Variants in CCDC7 observed in about 807,000 individuals in gnomAD.
The protein encoded by CCDC7 is coiled-coil domain containing 7.
In CCDC7, 183 loss-of-function variants were observed where a neutral mutation model predicts 196.9. The observed-to-expected ratio is 0.93, with a 90% confidence interval of 0.82 to 1.05. The LOEUF (loss-of-function observed/expected upper bound fraction) is 1.05. Ranked by LOEUF, CCDC7 falls within the 50% of genes least tolerant of loss-of-function variation. The pLI, the probability that CCDC7 is intolerant of heterozygous loss-of-function variation, is 0.00. For missense variants in CCDC7, 1,540 were observed against 1,482.2 expected (o/e 1.04, Z -0.64); for synonymous variants, 525 against 484.6 (o/e 1.08, Z -1.10).
chr10:32,729,225 T>A, intron 27 of CCDC7, 107 bp from the exon 29 acceptor site: 2 of 1,174,428 alleles, frequency 1.7e-6, no homozygotes, highest in Non-Finnish European at 2.4e-6. Flanking sequence ...CACATGCTCA[T>A]GAAAACTATT....
At chr10:32,623,853 C>T (rs1025881679) in intron 18 of CCDC7, 1 of 458,566 alleles carries the variant, frequency 2.2e-6, no homozygotes, top group African/African-American at 2.0e-5. Flanking sequence ...GGGAGAGGTG[C>T]TACACACGTG....
At chr10:32,482,647 C>T (rs184222387) in intron 8 of CCDC7, among the ~76,000 whole-genome samples, 1 of 151,750 alleles carries the variant, frequency 6.6e-6, no homozygotes, top group East Asian at 1.9e-4. Flanking sequence ...ATCCCTCCCA[C>T]CTCCCCCAAC....
At chr10:32,549,129 A>G (rs1031767594) in intron 13 of CCDC7, among the ~76,000 whole-genome samples, 1 of 152,126 alleles carries the variant, frequency 6.6e-6, no homozygotes, top group African/African-American at 2.4e-5. Flanking sequence ...GTGGTATGGC[A>G]TTGTGGTTTT....
chr10:32,581,424 A>G (rs2058720051), intron 16 of CCDC7, among the ~76,000 whole-genome samples: 1 of 151,416 alleles, frequency 6.6e-6, no homozygotes, highest in Non-Finnish European at 1.5e-5. Flanking sequence ...CTCCTCCTTC[A>G]ACTCCTCCTC....
intron 3 of CCDC7, among the ~76,000 whole-genome samples, chr10:32,458,998 C>T (rs1453241945): frequency 1.3e-5 from 2 of 151,990 alleles, no homozygotes; most frequent in Non-Finnish European, 2.9e-5. Flanking sequence ...ATTGTAGAGA[C>T]CTTTCACCTC....
chr10:32,555,164 C>T (rs1365507383), intron 13 of CCDC7, among the ~76,000 whole-genome samples: 1 of 152,056 alleles, frequency 6.6e-6, no homozygotes, highest in East Asian at 1.9e-4. Context: ...CATGGGAGTG[C>T]AGATATCTTT....
At chr10:32,828,479 G>GAAGAAGAAGAAGAAGAAGAAGAA (rs1565633928) in intron 32 of CCDC7, among the ~76,000 whole-genome samples, 2 of 61,572 alleles carry the variant, frequency 3.2e-5, no homozygotes. Flanking sequence ...AAGAGGAAGA[G>GAAGAAGAAGAAGAAGAAGAAGAA]GAAGAGGAAG....
chr10:32,721,547 T>G (rs184672135), intron 25 of CCDC7, among the ~76,000 whole-genome samples: 1 of 152,222 alleles, frequency 6.6e-6, no homozygotes, highest in East Asian at 1.9e-4. Flanking sequence ...TCATCTAGAT[T>G]TCTGCTTGTG....
At chr10:32,585,062 T>C (rs2059121521) in intron 18 of CCDC7, among the ~76,000 whole-genome samples, 1 of 151,762 alleles carries the variant, frequency 6.6e-6, no homozygotes, top group Admixed American at 6.6e-5. Flanking sequence ...TTTTATTGCA[T>C]TGACCTAAAC....
chr10:32,615,075 C>A (rs1031849211), intron 18 of CCDC7, among the ~76,000 whole-genome samples: 7 of 152,182 alleles, frequency 4.6e-5, no homozygotes, highest in African/African-American at 1.7e-4. Context: ...TTATCCATTC[C>A]TCTGTTGATG....
intron 31 of CCDC7, among the ~76,000 whole-genome samples, chr10:32,823,339 A>G (rs968130711): frequency 2.0e-5 from 3 of 149,632 alleles, no homozygotes; most frequent in Admixed American, 6.6e-5. Flanking sequence ...ACAAGGTTTC[A>G]CTATGTTGGC....
chr10:32,846,073 CAAAAG>C, intron 36 of CCDC7, 114 bp downstream of exon 37: 2 of 805,264 alleles, frequency 2.5e-6, no homozygotes, highest in Non-Finnish European at 4.1e-6. Context: ...CTTTCCATAG[CAAAAG>C]ATGCTATTGG....
chr10:32,547,007 TTCC>T (rs1180741252), intron 13 of CCDC7, among the ~76,000 whole-genome samples: 2 of 151,978 alleles, frequency 1.3e-5, no homozygotes, highest in South Asian at 2.1e-4. Context: ...CTTCTTCCTC[TTCC>T]TCCTCCTCCT....
chr10:32,805,091 T>A, exon 30 of CCDC7: 1 of 1,606,092 alleles, frequency 6.2e-7, no homozygotes, highest in Non-Finnish European at 8.5e-7. Flanking sequence ...AGTCAAAGAG[T>A]TTCCCTGGTA....
In CCDC7 at chr10:32,656,970, C is replaced by T. The variant is rs1336703123; in HGVS notation, c.2015-7084C>T. 3.3e-5 allele frequency among the ~76,000 whole-genome samples: 5 copies of T among 152,180 alleles called. No individual in the cohort carries two copies. The East Asian group carries it at 9.6e-4, about 29-fold the overall frequency. ...GCCACAACAAAGAGGCTACATGCCC[C>T]AATCAAGTTCAAAATCCAATAGGGC... On this transcript the variant is annotated intron_variant, in intron 20 of 41. Transcript: ENST00000639629.
chr10:32,558,703 A>G (rs563795473), intron 13 of CCDC7, among the ~76,000 whole-genome samples: 5 of 152,348 alleles, frequency 3.3e-5, no homozygotes, highest in African/African-American at 1.2e-4. Flanking sequence ...ATGGCCGAAT[A>G]GGAACAGCTC....
At chr10:32,569,271 T>C (rs2057269175) in intron 15 of CCDC7, among the ~76,000 whole-genome samples, 1 of 152,230 alleles carries the variant, frequency 6.6e-6, no homozygotes, top group South Asian at 2.1e-4. Flanking sequence ...TTATTGGAGA[T>C]TTTGATGTAA....
intron 41 of CCDC7, among the ~76,000 whole-genome samples, chr10:32,870,380 C>T (rs2094383930): frequency 6.6e-6 from 1 of 152,086 alleles, no homozygotes; most frequent in Non-Finnish European, 1.5e-5. Flanking sequence ...GGAGTTCACT[C>T]ATGATTTGGC....
intron 20 of CCDC7, among the ~76,000 whole-genome samples, chr10:32,655,095 CAAAT>C (rs981947905): frequency 2.0e-5 from 3 of 152,140 alleles, no homozygotes; most frequent in Non-Finnish European, 4.4e-5. Context: ...GATACATCAT[CAAAT>C]AGTGGTTATT....
Sources: gnomAD v4.1 joint callset for allele counts (sites outside exome capture counted in the v4.1 genomes callset) on GRCh38, gnomAD v4.1.1 for gene constraint, MANE v1.5 for transcripts, NCBI Gene and HGNC (gene_info 2026-07-23, HGNC 2026-07-21) for gene names.